MAGI2: variants seen among roughly 807,000 people sequenced by gnomAD.
The protein encoded by MAGI2 is membrane-associated guanylate kinase, WW and PDZ domain-containing protein 2.
A neutral mutation model predicts 133.3 loss-of-function variants in MAGI2; 35 were observed. The observed-to-expected ratio is 0.26, with a 90% confidence interval of 0.20 to 0.35. The LOEUF (loss-of-function observed/expected upper bound fraction) is 0.35, where lower values mean the gene tolerates loss of function less well. Ranked by LOEUF, MAGI2 falls within the 10% of genes least tolerant of loss-of-function variation. The pLI is 1.00. For missense variants in MAGI2, 1,636 were observed against 1,863.4 expected (o/e 0.88, Z 2.25); for synonymous variants, 729 against 710.6 (o/e 1.03, Z -0.41).
At chr7:79,306,592 T>A (rs914240165) in intron 1 of MAGI2, among the ~76,000 whole-genome samples, 1 of 152,158 alleles carries the variant, frequency 6.6e-6, no homozygotes, top group Non-Finnish European at 1.5e-5. Context: ...CTTTACCTTG[T>A]CATGATGCAG....
chr7:79,277,595 A>G (rs1835328553), intron 1 of MAGI2, among the ~76,000 whole-genome samples: 1 of 152,128 alleles, frequency 6.6e-6, no homozygotes, highest in African/African-American at 2.4e-5. Context: ...TTAACTGAAA[A>G]TACTACCCTT....
At chr7:79,159,285 G>C (rs1295209346) in intron 1 of MAGI2, among the ~76,000 whole-genome samples, 1 of 151,916 alleles carries the variant, frequency 6.6e-6, no homozygotes, top group Non-Finnish European at 1.5e-5. Context: ...ATTTGGCTAT[G>C]GGAGGATCAC....
At chr7:79,353,280 G>A (rs557401135) in intron 1 of MAGI2, 2 of 327,650 alleles carry the variant, frequency 6.1e-6, no homozygotes, top group African/African-American at 4.3e-5. Context: ...CTGGCAGGGT[G>A]GTTTCCCAAC....
At chr7:78,605,870 C>T (rs973370360) in intron 3 of MAGI2, among the ~76,000 whole-genome samples, 4 of 152,038 alleles carry the variant, frequency 2.6e-5, no homozygotes, top group African/African-American at 9.7e-5. Flanking sequence ...GGGAGGTACT[C>T]GAGCAGAAAA....
At chr7:78,028,987 C>CT (rs1243662947) in intron 21 of MAGI2, among the ~76,000 whole-genome samples, 1 of 151,998 alleles carries the variant, frequency 6.6e-6, no homozygotes, top group Non-Finnish European at 1.5e-5. Flanking sequence ...GACTGAGTAA[C>CT]TCTAGAGTGC....
At chr7:79,030,994 C>A (rs1188307059) in intron 1 of MAGI2, among the ~76,000 whole-genome samples, 3 of 152,096 alleles carry the variant, frequency 2.0e-5, no homozygotes, top group Admixed American at 2.0e-4. Context: ...CACTGCCATT[C>A]TTCTATATTT....
intron 2 of MAGI2, among the ~76,000 whole-genome samples, chr7:78,659,564 TTA>T (rs1163781527): frequency 6.6e-6 from 1 of 152,022 alleles, no homozygotes; most frequent in Non-Finnish European, 1.5e-5. Context: ...ATGATTTCAT[TTA>T]TATGACATTC....
intron 8 of MAGI2, among the ~76,000 whole-genome samples, chr7:78,345,187 C>G (rs1432427904): frequency 6.6e-6 from 1 of 152,122 alleles, no homozygotes; most frequent in Non-Finnish European, 1.5e-5. Context: ...ACATATAATC[C>G]TTTCTCCTAT....
chr7:78,791,610 C>T (rs549415051), intron 2 of MAGI2, among the ~76,000 whole-genome samples: 22 of 149,132 alleles, frequency 1.5e-4, no homozygotes, highest in Middle Eastern at 3.4e-3. Flanking sequence ...GGCATGATCT[C>T]GGCTCACTGC....
At chr7:78,273,537 C>A (rs1483522987) in intron 9 of MAGI2, among the ~76,000 whole-genome samples, 1 of 152,116 alleles carries the variant, frequency 6.6e-6, no homozygotes, top group Non-Finnish European at 1.5e-5. Flanking sequence ...TGTTTTCCAC[C>A]TTGGTTCCAT....
At chr7:79,142,100 T>G (rs1474841792) in intron 1 of MAGI2, among the ~76,000 whole-genome samples, 1 of 152,210 alleles carries the variant, frequency 6.6e-6, no homozygotes, top group Non-Finnish European at 1.5e-5. Flanking sequence ...TGAGTGAGGT[T>G]ATACATGTTT....
At chr7:78,584,293 G>A (rs147293830) in intron 3 of MAGI2, among the ~76,000 whole-genome samples, 12,543 of 151,784 alleles carry the variant, frequency 0.083, 566 homozygotes, top group African/African-American at 0.13. Context: ...GGTGGCAGTC[G>A]CCTGTAATCC....
rs372298947 is a variant in MAGI2 at position 79,056,258 on chromosome 7, C to T, written c.302-49052G>A. The stretch of plus-strand genomic sequence containing the variant: ...AAAAAATTAGCTGTGCATGGTTGCG[C>T]ATGCCCGTAGTCCCAGCTACTCAGA... On this transcript the variant is annotated intron_variant, in intron 1 of 21. Transcript: ENST00000354212. 1.7e-4 allele frequency among the ~76,000 whole-genome samples: 26 copies of T among 152,194 alleles called. No individual in the cohort carries two copies. In the South Asian group the frequency reaches 4.1e-3, roughly 24 times the overall value.
intron 4 of MAGI2, among the ~76,000 whole-genome samples, chr7:78,512,695 A>T (rs540633297): frequency 6.6e-6 from 1 of 152,288 alleles, no homozygotes; most frequent in East Asian, 1.9e-4. Flanking sequence ...AGCAAATTAC[A>T]TCTCTTCTAT....
chr7:78,406,077 T>G (rs570544097), intron 6 of MAGI2, among the ~76,000 whole-genome samples: 1 of 152,018 alleles, frequency 6.6e-6, no homozygotes. Flanking sequence ...ATTATATGTC[T>G]AAATGACCTT....
At chr7:78,095,630 AAGG>A (rs1225958244) in intron 20 of MAGI2, among the ~76,000 whole-genome samples, 1 of 152,186 alleles carries the variant, frequency 6.6e-6, no homozygotes, top group Non-Finnish European at 1.5e-5. Context: ...CCCAATTATG[AAGG>A]AGGAGAACAG....
chr7:79,207,651 C>T (rs1416519452), intron 1 of MAGI2, among the ~76,000 whole-genome samples: 6 of 150,936 alleles, frequency 4.0e-5, no homozygotes, highest in Non-Finnish European at 7.4e-5. Flanking sequence ...GATCTGTAAT[C>T]AAAATACCAA....
intron 2 of MAGI2, among the ~76,000 whole-genome samples, chr7:78,634,881 T>C (rs1234943577): frequency 2.0e-5 from 3 of 152,106 alleles, no homozygotes; most frequent in Admixed American, 2.0e-4. Flanking sequence ...TATAGGAAAG[T>C]CCAAAATAAG....
At chr7:78,659,868 G>A (rs771185053) in intron 2 of MAGI2, among the ~76,000 whole-genome samples, 23 of 151,928 alleles carry the variant, frequency 1.5e-4, no homozygotes, top group Non-Finnish European at 2.8e-4. Context: ...AAAATAAAAG[G>A]TTCAATTTTA....
Sources: allele counts gnomAD v4.1 joint callset (sites outside exome capture counted in the v4.1 genomes callset), GRCh38; gene constraint gnomAD v4.1.1; transcripts MANE v1.5; gene names NCBI Gene and HGNC (gene_info 2026-07-23, HGNC 2026-07-21).